Variants in RANBP2 observed in about 807,000 individuals in gnomAD.
RANBP2 encodes the protein E3 SUMO-protein ligase RanBP2.
A neutral mutation model predicts 303.6 loss-of-function variants in RANBP2; 57 were observed. The ratio of observed to expected loss-of-function variants is 0.19; its 90% CI spans 0.15 to 0.23. RANBP2 has a LOEUF of 0.23. Among genes scored for constraint, RANBP2 ranks in the 10% least tolerant of loss-of-function variants. The pLI is 1.00. For synonymous variants in RANBP2, 1,167 were observed against 1,301.5 expected (o/e 0.90, Z 2.23); for missense variants, 3,138 against 3,780.8 (o/e 0.83, Z 4.46).
chr2:108,830,147 G>T, the RANBP2 span, among the ~76,000 whole-genome samples: 1 of 152,142 alleles, frequency 6.6e-6, no homozygotes, highest in East Asian at 1.9e-4. Flanking sequence ...AATGAAATAA[G>T]CTAGACACCA....
At chr2:109,085,887 G>A in the RANBP2 span, among the ~76,000 whole-genome samples, 1 of 152,078 alleles carries the variant, frequency 6.6e-6, no homozygotes, top group Non-Finnish European at 1.5e-5. Flanking sequence ...TTACAGGTGT[G>A]AGCCACCACA....
chr2:108,751,451 C>T lies in RANBP2; in HGVS notation c.1455+6C>T. The T allele has an allele frequency of 6.2e-7, 1 of 1,611,850 alleles. No homozygotes were observed. ...TATGTATTTTAGATCTTGAAGTAAGCAAAGATTTTAACAAATTAAATATTC... is the reference window on the plus strand; with the variant it reads ...TATGTATTTTAGATCTTGAAGTAAGTAAAGATTTTAACAAATTAAATATTC... On this transcript the variant is annotated splice_donor_region_variant and intron_variant, in intron 10 of 28. Coordinates refer to ENST00000283195, the MANE Select transcript of RANBP2 (RefSeq NM_006267.5).
the RANBP2 span, among the ~76,000 whole-genome samples, chr2:109,526,040 G>A: frequency 6.6e-6 from 1 of 152,182 alleles, no homozygotes; most frequent in Non-Finnish European, 1.5e-5. Flanking sequence ...GAGCACCAGA[G>A]CCACCACAAC....
At chr2:109,147,759 A>C in the RANBP2 span, among the ~76,000 whole-genome samples, 8 of 152,232 alleles carry the variant, frequency 5.3e-5, no homozygotes, top group African/African-American at 1.9e-4. Context: ...TTACGAAGTT[A>C]ACAAGCAGTT....
At chr2:108,749,758 A>AT (rs1171969515) in intron 9 of RANBP2, among the ~76,000 whole-genome samples, 7 of 149,372 alleles carry the variant, frequency 4.7e-5, no homozygotes, top group Admixed American at 6.7e-5. Flanking sequence ...GGCCCAGATA[A>AT]TTTTTTTTTT....
the RANBP2 span, among the ~76,000 whole-genome samples, chr2:109,059,120 G>A: frequency 7.2e-4 from 109 of 152,224 alleles, 1 homozygote; most frequent in Non-Finnish European, 2.9e-4. Flanking sequence ...GGGAGTTAGG[G>A]GACCCTCCTC....
chr2:109,080,881 C>T, the RANBP2 span, among the ~76,000 whole-genome samples: 1 of 152,192 alleles, frequency 6.6e-6, no homozygotes, highest in Non-Finnish European at 1.5e-5. Flanking sequence ...TTAAAAGGAA[C>T]AGAAATGTAT....
intron 1 of RANBP2, among the ~76,000 whole-genome samples, chr2:108,724,304 G>A (rs1694521756): frequency 6.6e-6 from 1 of 152,112 alleles, no homozygotes; most frequent in Non-Finnish European, 1.5e-5. Flanking sequence ...TGGGATTACA[G>A]GTGTGTGCCA....
chr2:109,011,311 A>G, the RANBP2 span, among the ~76,000 whole-genome samples: 1 of 152,186 alleles, frequency 6.6e-6, no homozygotes. Context: ...TCTCCATTCC[A>G]TACCCTTCTT....
the RANBP2 span, among the ~76,000 whole-genome samples, chr2:108,886,997 G>GT: frequency 1.3e-5 from 2 of 152,006 alleles, no homozygotes. Context: ...TTCTTATGCT[G>GT]TTTTTTATAG....
At chr2:109,294,746 A>C in the RANBP2 span, among the ~76,000 whole-genome samples, 1 of 152,140 alleles carries the variant, frequency 6.6e-6, no homozygotes, top group Non-Finnish European at 1.5e-5. Flanking sequence ...GGCCACACCC[A>C]AGAAAGGGGC....
chr2:109,548,844 TGAGAG>T, the RANBP2 span, among the ~76,000 whole-genome samples: 2 of 142,434 alleles, frequency 1.4e-5, no homozygotes, highest in Non-Finnish European at 3.1e-5. Context: ...AATCAGAGAC[TGAGAG>T]AAGAAACCAG....
At chr2:109,330,500 AG>A in the RANBP2 span, among the ~76,000 whole-genome samples, 32 of 152,164 alleles carry the variant, frequency 2.1e-4, no homozygotes, top group African/African-American at 7.5e-4. Context: ...AATGGGGGGC[AG>A]GGGGTGTCCC....
chr2:108,872,533 T>C, the RANBP2 span, among the ~76,000 whole-genome samples: 1 of 152,158 alleles, frequency 6.6e-6, no homozygotes, highest in Non-Finnish European at 1.5e-5. Flanking sequence ...GCAGAATACC[T>C]GAGACTGGGT....
the RANBP2 span, among the ~76,000 whole-genome samples, chr2:108,802,810 A>G: frequency 4.9e-4 from 75 of 152,098 alleles, 1 homozygote; most frequent in Admixed American, 1.5e-3. Flanking sequence ...TCCCATCAAT[A>G]CCTAATTTAT....
At chr2:109,195,173 GTAA>G in the RANBP2 span, among the ~76,000 whole-genome samples, 2 of 151,044 alleles carry the variant, frequency 1.3e-5, no homozygotes, top group Non-Finnish European at 2.9e-5. Context: ...TCTCTCTGAA[GTAA>G]TAAGCTCATT....
the RANBP2 span, among the ~76,000 whole-genome samples, chr2:109,744,594 T>C: frequency 4.9e-5 from 5 of 102,408 alleles, 2 homozygotes; most frequent in Non-Finnish European, 7.5e-5. Flanking sequence ...AATGATCTAA[T>C]TAACAAGTAA....
the RANBP2 span, chr2:109,568,111 T>C: frequency 1.6e-6 from 1 of 642,548 alleles, no homozygotes. Context: ...CAAACTACGG[T>C]CCATCTCGCT....
chr2:108,989,483 G>C, the RANBP2 span: 4 of 152,208 alleles, frequency 2.6e-5, no homozygotes, highest in African/African-American at 9.7e-5. Context: ...AGCTAAACTA[G>C]CATTAAAATA....
Sources: allele counts gnomAD v4.1 joint callset (sites outside exome capture counted in the v4.1 genomes callset), GRCh38; gene constraint gnomAD v4.1.1; transcripts MANE v1.5; gene names NCBI Gene and HGNC (gene_info 2026-07-23, HGNC 2026-07-21).